The following SEMA3D variants were observed in gnomAD, a reference collection of about 807,000 sequenced individuals.
SEMA3D encodes the protein semaphorin-3D.
SEMA3D carries 84 observed loss-of-function variants against 100.1 expected under a neutral mutation model. The ratio of observed to expected loss-of-function variants is 0.84; its 90% CI spans 0.70 to 1.01. The LOEUF is 1.01. Ranked by LOEUF, SEMA3D falls within the 50% of genes least tolerant of loss-of-function variation. The pLI, the probability that SEMA3D is intolerant of heterozygous loss-of-function variation, is 0.00. For synonymous variants in SEMA3D, 312 were observed against 320.7 expected, an observed-to-expected ratio of 0.97 and a Z score of 0.29; for missense variants, 875 against 934.1, an observed-to-expected ratio of 0.94 and a Z score of 0.82.
chr7:85,047,592 T>C (rs752252041), intron 9 of SEMA3D, among the ~76,000 whole-genome samples: 2 of 151,882 alleles, frequency 1.3e-5, no homozygotes, highest in East Asian at 1.9e-4. Flanking sequence ...AATGTAATAA[T>C]TGACTTTCGG....
At chr7:85,214,506 A>T in the SEMA3D span, among the ~76,000 whole-genome samples, 3 of 151,828 alleles carry the variant, frequency 2.0e-5, no homozygotes, top group African/African-American at 7.3e-5. Context: ...TAATTAATTA[A>T]TTTTTTTGAG....
Position 85,084,713 on chromosome 7 carries a change from A to G in SEMA3D, c.313-3134T>C, listed in dbSNP as rs568649714. The stretch of plus-strand genomic sequence containing the variant: ...GTAAAGATTGTTTCTTCACCCAGGT[A>G]TTAAGCCTAGTACACGTTAGTTATT... On this transcript the variant is annotated intron_variant, in intron 4 of 18. Transcript: ENST00000284136. Among the ~76,000 whole-genome samples, 193 of 152,112 alleles carry G rather than the reference A, an allele frequency of 1.3e-3. 1 individual carries two copies. The highest frequency in any genetic ancestry group is 2.4e-3 in the Non-Finnish European group (164 of 68,006).
the SEMA3D span, among the ~76,000 whole-genome samples, chr7:85,244,432 G>C: frequency 6.6e-6 from 1 of 152,044 alleles, no homozygotes; most frequent in African/African-American, 2.4e-5. Context: ...TTTCAGAGGG[G>C]CATAATCAAA....
At chr7:85,018,934 A>G (rs376710105) in intron 14 of SEMA3D, among the ~76,000 whole-genome samples, 20 of 151,750 alleles carry the variant, frequency 1.3e-4, no homozygotes, top group East Asian at 9.7e-4. Context: ...CCTATCATCT[A>G]TCTACTATTT....
chr7:85,009,140 C>T (rs1012074704), intron 17 of SEMA3D, among the ~76,000 whole-genome samples: 15 of 151,534 alleles, frequency 9.9e-5, no homozygotes, highest in African/African-American at 3.6e-4. Context: ...GTTAAAATAG[C>T]TTCTTATTAC....
intron 12 of SEMA3D, among the ~76,000 whole-genome samples, chr7:85,031,945 G>T (rs534555640): frequency 1.1e-4 from 17 of 151,866 alleles, no homozygotes; most frequent in Non-Finnish European, 2.1e-4. Context: ...GCTAATTTTA[G>T]GTGGGACATT....
intron 17 of SEMA3D, among the ~76,000 whole-genome samples, chr7:85,011,004 C>T (rs971906773): frequency 1.3e-5 from 2 of 151,688 alleles, no homozygotes; most frequent in Non-Finnish European, 2.9e-5. Context: ...GGATATGGTA[C>T]AAGGGCACAT....
At chr7:85,238,694 C>A in the SEMA3D span, among the ~76,000 whole-genome samples, 5 of 152,154 alleles carry the variant, frequency 3.3e-5, no homozygotes, top group African/African-American at 1.2e-4. Flanking sequence ...ATTTTCCATA[C>A]AGACTTTAGA....
chr7:85,105,309 T>C (rs1788881144), intron 3 of SEMA3D, among the ~76,000 whole-genome samples: 1 of 152,034 alleles, frequency 6.6e-6, no homozygotes, highest in African/African-American at 2.4e-5. Context: ...CCAGAAATAC[T>C]ACAGCTTTTT....
At chr7:85,065,299 A>G in intron 8 of SEMA3D, 125 bp downstream of exon 8, 7 of 840,980 alleles carry the variant, frequency 8.3e-6, no homozygotes, top group Non-Finnish European at 1.2e-5. Flanking sequence ...ATTATTTCAA[A>G]TGTATTTTAT....
At chr7:85,223,420 C>T in the SEMA3D span, among the ~76,000 whole-genome samples, 1 of 151,942 alleles carries the variant, frequency 6.6e-6, no homozygotes, top group South Asian at 2.1e-4. Context: ...GAAAAACAGA[C>T]TTGTACAGGC....
intron 2 of SEMA3D, chr7:85,140,815 GATTATTATAAAAGTAGTTTTTC>G: frequency 1.1e-6 from 1 of 911,904 alleles, no homozygotes; most frequent in Middle Eastern, 5.6e-4. Flanking sequence ...AATAGACTGT[GATTATTATAAAAGTAGTTTTTC>G]ACATTCTACC....
At chr7:85,092,364 A>G (rs1166911850) in intron 4 of SEMA3D, among the ~76,000 whole-genome samples, 1 of 152,066 alleles carries the variant, frequency 6.6e-6, no homozygotes, top group Non-Finnish European at 1.5e-5. Flanking sequence ...TAGTGCTAAT[A>G]ATAGATACTC....
chr7:85,117,804 G>C (rs538923392), intron 3 of SEMA3D, among the ~76,000 whole-genome samples: 20 of 148,110 alleles, frequency 1.4e-4, no homozygotes, highest in African/African-American at 4.3e-4. Flanking sequence ...ATGTATGTAT[G>C]TATGTATCTA....
At chr7:85,014,885 T>A (rs1790053732) in intron 16 of SEMA3D, among the ~76,000 whole-genome samples, 174 bp downstream of exon 16, 1 of 151,840 alleles carries the variant, frequency 6.6e-6, no homozygotes, top group African/African-American at 2.4e-5. Context: ...TTACCCTCCT[T>A]CAAAATTAAG....
At chr7:85,241,231 G>T in the SEMA3D span, among the ~76,000 whole-genome samples, 4 of 151,830 alleles carry the variant, frequency 2.6e-5, no homozygotes, top group East Asian at 7.8e-4. Context: ...ATGTAAACTA[G>T]TACAACCACT....
chr7:85,069,545 A>T (rs1791716239), intron 6 of SEMA3D, among the ~76,000 whole-genome samples: 1 of 152,182 alleles, frequency 6.6e-6, no homozygotes, highest in Admixed American at 6.5e-5. Flanking sequence ...TCCTGAAATA[A>T]ACTGACTGAA....
At chr7:85,094,024 T>C (rs1788476966) in intron 4 of SEMA3D, among the ~76,000 whole-genome samples, 2 of 151,916 alleles carry the variant, frequency 1.3e-5, no homozygotes, top group South Asian at 2.1e-4. Context: ...AGCAGTGAAA[T>C]GAGCAAGAAA....
chr7:85,037,206 C>G (rs1790724847), intron 11 of SEMA3D, among the ~76,000 whole-genome samples, 173 bp from the exon 12 acceptor site: 2 of 152,122 alleles, frequency 1.3e-5, no homozygotes, highest in Non-Finnish European at 2.9e-5. Context: ...CCAAGCAATT[C>G]TAAATAAAGT....
Sources: gnomAD v4.1 joint callset for allele counts (sites outside exome capture counted in the v4.1 genomes callset) on GRCh38, gnomAD v4.1.1 for gene constraint, MANE v1.5 for transcripts, NCBI Gene and HGNC (gene_info 2026-07-23, HGNC 2026-07-21) for gene names.